SLC22A4: variants seen among roughly 807,000 people sequenced by gnomAD.
The protein encoded by SLC22A4 is solute carrier family 22 member 4.
SLC22A4 carries 39 observed loss-of-function variants against 56.6 expected under a neutral mutation model. The ratio of observed to expected loss-of-function variants is 0.69; its 90% CI spans 0.53 to 0.90. The LOEUF is 0.90. SLC22A4 is among the 40% of genes least tolerant of loss of function. The pLI is 0.00. For synonymous variants in SLC22A4, 241 were observed against 281.4 expected, an observed-to-expected ratio of 0.86 and a Z score of 1.44; for missense variants, 594 against 696.5, an observed-to-expected ratio of 0.85 and a Z score of 1.66.
chr5:132,321,910 AAAT>A (rs945095175), intron 3 of SLC22A4, among the ~76,000 whole-genome samples: 20 of 151,762 alleles, frequency 1.3e-4, no homozygotes, highest in African/African-American at 4.1e-4. Flanking sequence ...TTTGTCTCAA[AAAT>A]AATAATAATA....
At chr5:132,335,049 C>T (rs559711964) in intron 7 of SLC22A4, 117 bp downstream of exon 7, 2 of 772,082 alleles carry the variant, frequency 2.6e-6, no homozygotes, top group East Asian at 5.0e-5. Flanking sequence ...ATTCATAAGT[C>T]AATTAGACAG....
chr5:132,331,082 C>G (rs1268040369), intron 5 of SLC22A4, among the ~76,000 whole-genome samples: 1 of 152,140 alleles, frequency 6.6e-6, no homozygotes, highest in African/African-American at 2.4e-5. Context: ...TGGGTAATCC[C>G]AGCACTTTGG....
At position 132,294,475 on chromosome 5, in the gene SLC22A4, G is replaced by T; in HGVS notation, c.-142G>T. The T allele has an allele frequency of 8.3e-7, 1 of 1,201,502 alleles. No homozygotes were observed. The highest frequency in any genetic ancestry group is 1.2e-6 in the Non-Finnish European group (1 of 847,894). The allele number at this position is 1,201,502 out of a possible 1,614,324, so 74.4% of individuals were successfully genotyped here. A position where few individuals can be genotyped will look rare whatever the true frequency, so the allele number is the denominator to read the frequency against. ...AGCCTGTTTCCCAGGAACGGTCCCC[G>T]GCTTCGCGCCCCAATTTCTAACAGC... On this transcript the variant is annotated 5_prime_UTR_variant, in exon 1 of 10. Transcript: ENST00000200652. The surrounding 1 kb of genome is among the most constrained non-coding windows in gnomAD (Gnocchi z 5.6).
At chr5:132,314,621 T>G (rs1750282070) in intron 3 of SLC22A4, among the ~76,000 whole-genome samples, 1 of 152,208 alleles carries the variant, frequency 6.6e-6, no homozygotes, top group Non-Finnish European at 1.5e-5. Context: ...ACAGTGTCAT[T>G]ATTAATAATA....
intron 3 of SLC22A4, among the ~76,000 whole-genome samples, chr5:132,317,996 T>C (rs1750411522): frequency 6.6e-6 from 1 of 152,260 alleles, no homozygotes. Flanking sequence ...AGGAGCTCAC[T>C]GCCTGGTTGT....
intron 1 of SLC22A4, chr5:132,295,490 G>A (rs1435680389): frequency 2.8e-6 from 1 of 353,674 alleles, no homozygotes; most frequent in East Asian, 7.5e-5. Flanking sequence ...TGTGAGGTTT[G>A]GGGTCCTTTC....
intron 1 of SLC22A4, among the ~76,000 whole-genome samples, chr5:132,309,553 C>T (rs907456717): frequency 1.3e-5 from 2 of 152,208 alleles, no homozygotes; most frequent in Admixed American, 6.5e-5. Flanking sequence ...CCTCACCTCA[C>T]CCCCCTTCCC....
chr5:132,324,089 G>C (rs1750614123), intron 4 of SLC22A4, among the ~76,000 whole-genome samples: 1 of 152,114 alleles, frequency 6.6e-6, no homozygotes, highest in Admixed American at 6.5e-5. Context: ...CTACTTAGGA[G>C]GCAGAGGTGG....
chr5:132,320,967 G>C (rs1245628476), intron 3 of SLC22A4: 2 of 152,222 alleles, frequency 1.3e-5, no homozygotes, highest in Non-Finnish European at 2.9e-5. Flanking sequence ...AGACTCTGTG[G>C]AAAGGGCCCA....
chr5:132,310,701 C>T (rs924916060), intron 1 of SLC22A4, among the ~76,000 whole-genome samples: 7 of 152,228 alleles, frequency 4.6e-5, no homozygotes, highest in African/African-American at 1.7e-4. Flanking sequence ...GTCTCTAGGA[C>T]AGGACTATTC....
intron 3 of SLC22A4, among the ~76,000 whole-genome samples, chr5:132,319,175 G>A (rs917201613): frequency 2.6e-5 from 4 of 151,962 alleles, no homozygotes; most frequent in Admixed American, 6.6e-5. Context: ...GGTGGCAAGC[G>A]CCTGTAGTCC....
chr5:132,339,475 T>TACACACACACACACAC lies in SLC22A4; in HGVS notation c.1445-1077_1445-1062dup, dbSNP rs58759726. On this transcript the variant is annotated intron_variant, in intron 8 of 9. Coordinates refer to ENST00000200652, the MANE Select transcript of SLC22A4 (RefSeq NM_003059.3). The stretch of plus-strand genomic sequence containing the variant: ...AATTGGTTACCTACTGGTACACACG[T>TACACACACACACACAC]ACACACACACACACACACACACACA... Among the ~76,000 whole-genome samples the TACACACACACACACAC allele has an allele frequency of 9.8e-3, 1,434 of 146,716 alleles. 11 individuals carry two copies. Among genetic ancestry groups the TACACACACACACACAC allele is most frequent in the South Asian group, 0.023 (105 of 4,562 alleles).
intron 8 of SLC22A4, among the ~76,000 whole-genome samples, chr5:132,337,269 CTTTTT>C (rs66717474): frequency 2.1e-5 from 1 of 48,242 alleles, no homozygotes; most frequent in Non-Finnish European, 4.0e-5. Context: ...TAAAGATTAC[CTTTTT>C]TTTTTTTTTT....
At chr5:132,318,263 T>C (rs1291736226) in intron 3 of SLC22A4, among the ~76,000 whole-genome samples, 13 of 152,288 alleles carry the variant, frequency 8.5e-5, no homozygotes, top group Middle Eastern at 6.8e-3. Context: ...TTCAACTGCT[T>C]GATCAGGATA....
In SLC22A4 at chr5:132,313,666, A is replaced by T; in HGVS notation, c.550A>T (p.Ser184Cys). 1 of 1,614,212 alleles carries T rather than the reference A, an allele frequency of 6.2e-7. No individual in the cohort carries two copies. The highest frequency in any genetic ancestry group is 8.5e-7 in the Non-Finnish European group (1 of 1,180,004). ...AACCATGGCTGTACAGACTGGCTTC[A>T]GCTTCCTGCAGATTTTCTCCATCAG... Reference protein sequence around the residue: ...FATMAVQTGFSFLQIFSISWE... With the variant: ...FATMAVQTGFCFLQIFSISWE... Residue 184 changes from serine (S) to cysteine (C), a missense_variant, in exon 3 of 10, where the codon AGC (serine) becomes TGC (cysteine). Transcript: ENST00000200652.
At chr5:132,313,433 T>G (rs1750240569) in intron 2 of SLC22A4, among the ~76,000 whole-genome samples, 181 bp from the exon 3 acceptor site, 1 of 152,148 alleles carries the variant, frequency 6.6e-6, no homozygotes, top group Admixed American at 6.5e-5. Context: ...TCAAAAGATA[T>G]CTCCTGAGCA....
chr5:132,343,011 A>C (rs1162844557), intron 9 of SLC22A4, among the ~76,000 whole-genome samples: 3 of 152,128 alleles, frequency 2.0e-5, no homozygotes, highest in Non-Finnish European at 2.9e-5. Context: ...ACCAGCCCCC[A>C]CCCTGAAGCT....
At chr5:132,304,089 A>AAAAC (rs746983023) in intron 1 of SLC22A4, among the ~76,000 whole-genome samples, 2 of 152,228 alleles carry the variant, frequency 1.3e-5, no homozygotes, top group African/African-American at 2.4e-5. Context: ...GAAAAAACAG[A>AAAAC]AAACAAACAA....
intron 3 of SLC22A4, among the ~76,000 whole-genome samples, chr5:132,317,694 ATT>A (rs1327806072): frequency 1.3e-5 from 2 of 152,234 alleles, no homozygotes; most frequent in Admixed American, 6.5e-5. Context: ...GTGATTCTAT[ATT>A]TAACCTTTTG....
Sources: gnomAD v4.1 joint callset for allele counts (sites outside exome capture counted in the v4.1 genomes callset) on GRCh38, gnomAD v4.1.1 for gene constraint, Gnocchi (gnomAD v3.1) non-coding constraint, MANE v1.5 for transcripts, NCBI Gene and HGNC (gene_info 2026-07-23, HGNC 2026-07-21) for gene names.